CADM1: variants seen among roughly 807,000 people sequenced by gnomAD.
The protein encoded by CADM1 is cell adhesion molecule 1, also known as TSLC-1.
A neutral mutation model predicts 53.1 loss-of-function variants in CADM1; 15 were observed. The observed-to-expected ratio is 0.28, with a 90% CI of 0.19 to 0.44. The LOEUF (loss-of-function observed/expected upper bound fraction) is 0.44. CADM1 is among the 20% of genes least tolerant of loss of function. The pLI, the probability that CADM1 is intolerant of heterozygous loss-of-function variation, is 1.00. For missense variants in CADM1, 434 were observed against 611.3 expected (o/e 0.71, Z 3.06); for synonymous variants, 281 against 243.0 (o/e 1.16, Z -1.45).
chr11:115,260,857 G>T (rs1942953530), intron 1 of CADM1, among the ~76,000 whole-genome samples: 1 of 151,642 alleles, frequency 6.6e-6, no homozygotes, highest in African/African-American at 2.4e-5. Context: ...TATTTTTTTA[G>T]TGGAGACGGG....
At chr11:115,383,264 AG>A (rs2135159663) in intron 1 of CADM1, among the ~76,000 whole-genome samples, 2 of 152,378 alleles carry the variant, frequency 1.3e-5, no homozygotes, top group South Asian at 4.1e-4. Flanking sequence ...ATCCATGCCC[AG>A]GAAGCGTACA....
intron 1 of CADM1, among the ~76,000 whole-genome samples, chr11:115,423,073 A>C (rs193170337): frequency 6.6e-6 from 1 of 152,264 alleles, no homozygotes; most frequent in East Asian, 1.9e-4. Context: ...GAGCAAAGAC[A>C]AAAGTCGAGG....
intron 1 of CADM1, among the ~76,000 whole-genome samples, chr11:115,257,179 GA>G (rs1194483880): frequency 2.0e-5 from 3 of 151,846 alleles, no homozygotes; most frequent in South Asian, 2.1e-4. Context: ...TTTTAATAAA[GA>G]AAAAAATAAT....
chr11:115,257,934 C>T (rs1942846367), intron 1 of CADM1, among the ~76,000 whole-genome samples: 1 of 152,206 alleles, frequency 6.6e-6, no homozygotes, highest in African/African-American at 2.4e-5. Flanking sequence ...GCCTAGTAAG[C>T]TCACAGGTGA....
At chr11:115,302,881 G>A (rs1944268180) in intron 1 of CADM1, among the ~76,000 whole-genome samples, 1 of 152,084 alleles carries the variant, frequency 6.6e-6, no homozygotes. Context: ...GTGGAGCAAT[G>A]TTGCCATCTC....
rs1387092815 is a variant in CADM1 at position 115,308,192 on chromosome 11, G to GTA, written c.125-67773_125-67772insTA. 1.0e-3 allele frequency among the ~76,000 whole-genome samples: 72 copies of GTA among 70,490 alleles called. 2 individuals carry two copies. Among genetic ancestry groups the GTA allele is most frequent in the Middle Eastern group, 8.5e-3 (1 of 118 alleles). 46.2% of individuals were successfully genotyped at this position (70,490 alleles called of 152,430 possible). ...GTGTGTGTGTATATCACTCATAGGTGTGTATATATATATATATATACACAC... is the reference window on the plus strand; with the variant it reads ...GTGTGTGTGTATATCACTCATAGGTGTATGTATATATATATATATATACACAC... On this transcript the variant is annotated intron_variant, in intron 1 of 11. Coordinates refer to ENST00000331581, the MANE Select transcript of CADM1 (RefSeq NM_001301043.2).
chr11:115,495,441 T>G (rs935411916), intron 1 of CADM1, among the ~76,000 whole-genome samples: 3 of 152,150 alleles, frequency 2.0e-5, no homozygotes, highest in African/African-American at 7.2e-5. Flanking sequence ...AAGGGAAGGG[T>G]GTCAGGCAAG....
chr11:115,463,796 T>G (rs551784136), intron 1 of CADM1, among the ~76,000 whole-genome samples: 1 of 150,556 alleles, frequency 6.6e-6, no homozygotes, highest in South Asian at 2.1e-4. Flanking sequence ...ACCAGTAAAA[T>G]GTCACATCCA....
intron 5 of CADM1, among the ~76,000 whole-genome samples, chr11:115,223,523 C>T (rs1411826189): frequency 6.6e-6 from 1 of 152,266 alleles, no homozygotes; most frequent in East Asian, 1.9e-4. Flanking sequence ...TTTACAAATA[C>T]ATTAAGGTCA....
intron 1 of CADM1, among the ~76,000 whole-genome samples, chr11:115,356,030 AC>A (rs1163053863): frequency 6.6e-6 from 1 of 151,938 alleles, no homozygotes; most frequent in Non-Finnish European, 1.5e-5. Flanking sequence ...ACAGAGTTTC[AC>A]CATATTGGCC....
intron 1 of CADM1, among the ~76,000 whole-genome samples, chr11:115,290,409 C>T (rs1943857355): frequency 6.6e-6 from 1 of 152,192 alleles, no homozygotes; most frequent in South Asian, 2.1e-4. Flanking sequence ...CACTCCTCTG[C>T]TTTCCCTAAA....
intron 1 of CADM1, among the ~76,000 whole-genome samples, chr11:115,255,688 A>C (rs1041958837): frequency 2.6e-5 from 4 of 152,224 alleles, no homozygotes; most frequent in African/African-American, 9.6e-5. Flanking sequence ...CCTAGCCACC[A>C]AATTAGGCCA....
intron 1 of CADM1, among the ~76,000 whole-genome samples, chr11:115,486,599 C>T (rs1054988704): frequency 1.4e-4 from 22 of 152,216 alleles, no homozygotes; most frequent in Non-Finnish European, 2.9e-5. Context: ...CCCACCTAGG[C>T]CTCCCAAAAT....
intron 1 of CADM1, among the ~76,000 whole-genome samples, chr11:115,266,308 A>G (rs1943138418): frequency 6.6e-6 from 1 of 152,234 alleles, no homozygotes; most frequent in Admixed American, 6.5e-5. Context: ...AACATTTTGA[A>G]GCATAAACCA....
chr11:115,263,070 T>C (rs1943024183), intron 1 of CADM1, among the ~76,000 whole-genome samples: 1 of 152,218 alleles, frequency 6.6e-6, no homozygotes, highest in Non-Finnish European at 1.5e-5. Context: ...ACCGAGGTTA[T>C]GAATTTGGGG....
intron 1 of CADM1, among the ~76,000 whole-genome samples, chr11:115,424,634 C>T (rs532566831): frequency 1.8e-4 from 27 of 152,222 alleles, no homozygotes; most frequent in African/African-American, 5.8e-4. Context: ...TTCAACAATT[C>T]TCCAGCCTCA....
intron 1 of CADM1, among the ~76,000 whole-genome samples, chr11:115,353,263 T>A (rs553206012): frequency 7.2e-5 from 11 of 152,216 alleles, no homozygotes; most frequent in Non-Finnish European, 1.3e-4. Flanking sequence ...ATGACCCATG[T>A]TACTGTGTTT....
chr11:115,205,126 C>T (rs926296365), intron 8 of CADM1, among the ~76,000 whole-genome samples: 2 of 152,024 alleles, frequency 1.3e-5, no homozygotes, highest in African/African-American at 4.8e-5. Context: ...TCTAGTGTGA[C>T]CTCCAGGTTG....
At chr11:115,294,731 C>G (rs1382535926) in intron 1 of CADM1, among the ~76,000 whole-genome samples, 1 of 150,318 alleles carries the variant, frequency 6.7e-6, no homozygotes, top group African/African-American at 2.5e-5. Flanking sequence ...CCTCCTCACT[C>G]ATACACAGAA....
Sources: gnomAD v4.1 joint callset for allele counts (sites outside exome capture counted in the v4.1 genomes callset) on GRCh38, gnomAD v4.1.1 for gene constraint, MANE v1.5 for transcripts, NCBI Gene and HGNC (gene_info 2026-07-23, HGNC 2026-07-21) for gene names.